Variants in IGF1R observed in about 807,000 individuals in gnomAD.
IGF1R encodes insulin like growth factor 1 receptor.
In IGF1R, 44 loss-of-function variants were observed where a neutral mutation model predicts 144.6. The ratio of observed to expected loss-of-function variants is 0.30; its 90% confidence interval spans 0.24 to 0.39. The LOEUF (loss-of-function observed/expected upper bound fraction) is 0.39, where lower values mean the gene tolerates loss of function less well. Among genes scored for constraint, IGF1R ranks in the 10% least tolerant of loss-of-function variants. The pLI is 1.00. For missense variants in IGF1R, 1,355 were observed against 1,833.7 expected, an observed-to-expected ratio of 0.74 and a Z score of 4.77; for synonymous variants, 795 against 722.8, an observed-to-expected ratio of 1.10 and a Z score of -1.60.
At chr15:98,852,422 A>C (rs2011570104) in intron 2 of IGF1R, among the ~76,000 whole-genome samples, 1 of 151,948 alleles carries the variant, frequency 6.6e-6, no homozygotes, top group Admixed American at 6.5e-5. Context: ...ACCAGGGCCC[A>C]CCCTCCCCGC....
At chr15:98,841,690 G>T (rs1490509696) in intron 2 of IGF1R, among the ~76,000 whole-genome samples, 3 of 152,184 alleles carry the variant, frequency 2.0e-5, no homozygotes, top group Non-Finnish European at 2.9e-5. Flanking sequence ...ACAACTTGTG[G>T]AGGCATTGGA....
At chr15:98,952,330 A>ACACACACACACACACT (rs1264640788) in intron 20 of IGF1R, among the ~76,000 whole-genome samples, 3 of 151,200 alleles carry the variant, frequency 2.0e-5, no homozygotes, top group African/African-American at 2.4e-5. Flanking sequence ...ACACACACAC[A>ACACACACACACACACT]CTGCCCCTCA....
intron 3 of IGF1R, among the ~76,000 whole-genome samples, chr15:98,892,545 A>AAAT (rs10661402): frequency 2.0e-5 from 3 of 151,386 alleles, no homozygotes; most frequent in East Asian, 3.9e-4. Flanking sequence ...AAAAAAAAAA[A>AAAT]GAGAAGTTCG....
chr15:98,850,170 CAAGCT>C (rs1482041122), intron 2 of IGF1R, among the ~76,000 whole-genome samples: 3 of 152,306 alleles, frequency 2.0e-5, no homozygotes, highest in African/African-American at 7.2e-5. Flanking sequence ...TGATAGCTCC[CAAGCT>C]TATTTTCTCT....
chr15:98,917,008 G>A (rs796902007), intron 10 of IGF1R, 132 bp downstream of exon 10: 33 of 785,630 alleles, frequency 4.2e-5, no homozygotes, highest in African/African-American at 1.9e-4. Flanking sequence ...AGACGGAGCC[G>A]AAAAAGATGA....
intron 1 of IGF1R, among the ~76,000 whole-genome samples, chr15:98,691,350 G>A (rs1414275894): frequency 1.3e-5 from 2 of 148,528 alleles, no homozygotes; most frequent in African/African-American, 2.5e-5. Flanking sequence ...ATTTGGAGTT[G>A]TCTCATGGTT....
At chr15:98,810,920 C>T (rs28535017) in intron 2 of IGF1R, among the ~76,000 whole-genome samples, 88,253 of 152,102 alleles carry the variant, frequency 0.58, 25,800 homozygotes, top group East Asian at 0.65. Context: ...TGGCCTGCCA[C>T]ACCTGTTGTT....
Position 98,697,841 on chromosome 15 carries a change from G to A in IGF1R, c.95-9721G>A, listed in dbSNP as rs997004342. Among the ~76,000 whole-genome samples, 5 of 82,884 alleles carry A rather than the reference G, an allele frequency of 6.0e-5. No individual in the cohort carries two copies. In the East Asian group the frequency reaches 9.5e-4, roughly 16 times the overall value. The allele number at this position is 82,884 out of a possible 152,430, so 54.4% of individuals were successfully genotyped here. A position where few individuals can be genotyped will look rare whatever the true frequency, so the allele number is the denominator to read the frequency against. Reference sequence around the variant, plus strand: ...CAACCTCTGCCTCCTGGGTTCAGGCGATTCTCATGCCTCAGCCACCCGAGT... The same window carrying A: ...CAACCTCTGCCTCCTGGGTTCAGGCAATTCTCATGCCTCAGCCACCCGAGT... On this transcript the variant is annotated intron_variant, in intron 1 of 20. Coordinates refer to ENST00000650285, the MANE Select transcript of IGF1R (RefSeq NM_000875.5).
At chr15:98,687,437 T>C (rs1026796599) in intron 1 of IGF1R, among the ~76,000 whole-genome samples, 1 of 152,152 alleles carries the variant, frequency 6.6e-6, no homozygotes, top group East Asian at 1.9e-4. Context: ...TCGTCCTTAG[T>C]AAAGGAATAT....
At chr15:98,936,845 C>T (rs1186254405) in intron 17 of IGF1R, among the ~76,000 whole-genome samples, 3 of 152,088 alleles carry the variant, frequency 2.0e-5, no homozygotes, top group Admixed American at 2.0e-4. Flanking sequence ...GTGCCTCTTC[C>T]TGGTTCACTC....
At chr15:98,700,411 A>G (rs2053699382) in intron 1 of IGF1R, among the ~76,000 whole-genome samples, 1 of 152,156 alleles carries the variant, frequency 6.6e-6, no homozygotes, top group Non-Finnish European at 1.5e-5. Context: ...GAGGGTAGTG[A>G]CAGGTGGTGT....
chr15:98,863,314 A>C (rs1402796773), intron 2 of IGF1R, among the ~76,000 whole-genome samples: 4 of 151,834 alleles, frequency 2.6e-5, no homozygotes, highest in African/African-American at 9.7e-5. Flanking sequence ...TTGATCCCTT[A>C]GTTAAGGTGG....
chr15:98,836,617 A>G (rs1450460345), intron 2 of IGF1R, among the ~76,000 whole-genome samples: 1 of 152,110 alleles, frequency 6.6e-6, no homozygotes, highest in African/African-American at 2.4e-5. Context: ...CAGCCAAGAA[A>G]TTAACAATGA....
At chr15:98,899,366 A>G (rs3743256) in intron 4 of IGF1R, 111 bp from the exon 5 acceptor site, 41,092 of 1,076,116 alleles carry the variant, frequency 0.038, 1,632 homozygotes, top group East Asian at 0.14. Context: ...TGCTGGGAGC[A>G]TCTCAGGGGG....
chr15:98,939,627 A>G (rs2016291756), intron 18 of IGF1R, among the ~76,000 whole-genome samples: 1 of 152,224 alleles, frequency 6.6e-6, no homozygotes, highest in Non-Finnish European at 1.5e-5. Flanking sequence ...ATTTCTTGGT[A>G]GAACACCTCT....
chr15:98,685,390 T>C (rs1273609171), intron 1 of IGF1R, among the ~76,000 whole-genome samples: 1 of 152,190 alleles, frequency 6.6e-6, no homozygotes, highest in Non-Finnish European at 1.5e-5. Flanking sequence ...TGTGGGTTCT[T>C]ACTGGGGCTG....
At chr15:98,787,263 C>A (rs1440755294) in intron 2 of IGF1R, among the ~76,000 whole-genome samples, 1 of 152,160 alleles carries the variant, frequency 6.6e-6, no homozygotes, top group East Asian at 1.9e-4. Flanking sequence ...TAAAGTCACT[C>A]TGTGCCAACC....
chr15:98,733,763 C>CT (rs2054550686), intron 2 of IGF1R, among the ~76,000 whole-genome samples: 1 of 152,168 alleles, frequency 6.6e-6, no homozygotes, highest in African/African-American at 2.4e-5. Context: ...ACTTCTGTTT[C>CT]TGAAATCACA....
At position 98,772,719 on chromosome 15, in the gene IGF1R, A is replaced by C. The variant is rs1040495946; in HGVS notation, c.640+64612A>C. On this transcript the variant is annotated intron_variant, in intron 2 of 20. Coordinates refer to ENST00000650285, the MANE Select transcript of IGF1R (RefSeq NM_000875.5). ...AGAGGTGAGATTATAGGCACTAGCC[A>C]CTGTGCCCAGCCAAAAGGTCACTTT... Among the ~76,000 whole-genome samples, 19 of 151,520 alleles carry C rather than the reference A, an allele frequency of 1.3e-4. No homozygotes were observed. The East Asian group carries it at 2.5e-3, about 20-fold the overall frequency.
Sources: allele counts gnomAD v4.1 joint callset (sites outside exome capture counted in the v4.1 genomes callset), GRCh38; gene constraint gnomAD v4.1.1; transcripts MANE v1.5; gene names NCBI Gene and HGNC (gene_info 2026-07-23, HGNC 2026-07-21).